The following C2orf92 variants were observed in gnomAD, a reference collection of about 807,000 sequenced individuals.
The protein encoded by C2orf92 is chromosome 2 open reading frame 92.
At chr2:97,669,865 T>C in intron 1 of C2orf92, 31 bp downstream of exon 1, 4 of 398,644 alleles carry the variant, frequency 1.0e-5, no homozygotes, top group Non-Finnish European at 8.8e-6. Flanking sequence ...GAGAGAAACA[T>C]GGGCCTCACT....
chr2:97,679,328 A>C (rs184563665), intron 3 of C2orf92, among the ~76,000 whole-genome samples: 1 of 152,340 alleles, frequency 6.6e-6, no homozygotes, highest in East Asian at 1.9e-4. Flanking sequence ...ACAGTGTATA[A>C]AGATAGACTC....
intron 5 of C2orf92, among the ~76,000 whole-genome samples, chr2:97,693,593 T>G (rs757778455): frequency 6.6e-6 from 1 of 152,242 alleles, no homozygotes; most frequent in Non-Finnish European, 1.5e-5. Context: ...AATAATGAAT[T>G]TCCTAATATC....
chr2:97,700,171 C>T (rs1056799724), intron 6 of C2orf92, among the ~76,000 whole-genome samples: 18 of 152,154 alleles, frequency 1.2e-4, no homozygotes, highest in African/African-American at 3.6e-4. Flanking sequence ...AAGACTGCCG[C>T]GTTTTCCCCA....
upstream of C2orf92, chr2:97,668,553 G>A (rs78396210): frequency 6.6e-5 from 10 of 152,390 alleles, no homozygotes; most frequent in African/African-American, 2.2e-4. Flanking sequence ...CCCTGCTGAC[G>A]TCTTGATCTC....
chr2:97,683,716 A>T (rs1675860085), intron 3 of C2orf92, among the ~76,000 whole-genome samples: 2 of 152,172 alleles, frequency 1.3e-5, no homozygotes, highest in African/African-American at 4.8e-5. Flanking sequence ...AAACAATTGG[A>T]GGAATTTCAC....
intron 5 of C2orf92, among the ~76,000 whole-genome samples, chr2:97,695,736 CTTTCTTTTCTTTTCT>C (rs372334285): frequency 1.3e-5 from 2 of 151,286 alleles, no homozygotes; most frequent in Non-Finnish European, 2.9e-5. Flanking sequence ...CTTTTATTTT[CTTTCTTTTCTTTTCT>C]TTTCTTTTCT....
At chr2:97,690,792 T>G (rs532364694) in intron 5 of C2orf92, among the ~76,000 whole-genome samples, 2 of 150,180 alleles carry the variant, frequency 1.3e-5, no homozygotes, top group East Asian at 2.0e-4. Flanking sequence ...TTTTGTTTTT[T>G]TTTTTGAGAC....
chr2:97,700,608 C>A (rs1020876348), intron 6 of C2orf92, among the ~76,000 whole-genome samples: 1 of 152,182 alleles, frequency 6.6e-6, no homozygotes, highest in South Asian at 2.1e-4. Flanking sequence ...ATCTCCACCC[C>A]CCAAAATCAT....
chr2:97,666,702 G>T (rs992290325), upstream of C2orf92, among the ~76,000 whole-genome samples: 2 of 151,760 alleles, frequency 1.3e-5, no homozygotes, highest in African/African-American at 4.8e-5. Context: ...AATTAGCCGG[G>T]CATGATGTTG....
upstream of C2orf92, among the ~76,000 whole-genome samples, chr2:97,667,261 CTTTTTTATT>C (rs1406875474): frequency 9.4e-6 from 1 of 106,496 alleles, no homozygotes; most frequent in African/African-American, 3.9e-5. Flanking sequence ...CTTCAGGTCT[CTTTTTTATT>C]TTTTTTTTTT....
chr2:97,691,911 G>A (rs1407375051), intron 5 of C2orf92, among the ~76,000 whole-genome samples: 1 of 152,114 alleles, frequency 6.6e-6, no homozygotes, highest in Non-Finnish European at 1.5e-5. Context: ...ATGAGCCACC[G>A]CGCCTGAAAA....
At chr2:97,669,910 C>A (rs990856366) in intron 1 of C2orf92, 76 bp downstream of exon 1, 3 of 398,468 alleles carry the variant, frequency 7.5e-6, no homozygotes, top group Non-Finnish European at 1.3e-5. Flanking sequence ...GGCGTTCCCT[C>A]CCACAGTGTG....
intron 5 of C2orf92, among the ~76,000 whole-genome samples, chr2:97,698,492 G>A (rs544517186): frequency 3.9e-5 from 6 of 152,200 alleles, no homozygotes; most frequent in East Asian, 1.9e-4. Flanking sequence ...TCTTGTCCTC[G>A]CAACTCAAGA....
chr2:97,675,802 C>G, intron 2 of C2orf92, 43 bp from the exon 3 acceptor site: 1 of 399,034 alleles, frequency 2.5e-6, no homozygotes. Context: ...AGCTGCAGAC[C>G]CAATGAAAGA....
chr2:97,665,755 A>C (rs1238727060), upstream of C2orf92: 13 of 126,084 alleles, frequency 1.0e-4, no homozygotes, highest in African/African-American at 3.5e-4. Flanking sequence ...ATATATATAT[A>C]TATATATATA....
chr2:97,675,546 T>C (rs958055923), intron 2 of C2orf92: 2 of 296,664 alleles, frequency 6.7e-6, no homozygotes, highest in African/African-American at 4.3e-5. Flanking sequence ...ATACACCATG[T>C]AGGCCTTTCT....
At chr2:97,691,843 G>A (rs1431936422) in intron 5 of C2orf92, among the ~76,000 whole-genome samples, 3 of 152,114 alleles carry the variant, frequency 2.0e-5, no homozygotes, top group African/African-American at 7.2e-5. Context: ...AGCTGAGATC[G>A]CGCCACTGCA....
intron 3 of C2orf92, among the ~76,000 whole-genome samples, chr2:97,683,097 C>CAT (rs1429288792): frequency 1.3e-5 from 2 of 151,732 alleles, no homozygotes; most frequent in South Asian, 2.1e-4. Context: ...CACACACACA[C>CAT]ACACACACAC....
intron 5 of C2orf92, among the ~76,000 whole-genome samples, chr2:97,692,106 G>A (rs115592809): frequency 3.8e-4 from 58 of 152,274 alleles, no homozygotes; most frequent in African/African-American, 1.4e-3. Flanking sequence ...AATATTCACT[G>A]TGGGAAAACA....
Sources: allele counts gnomAD v4.1 joint callset (sites outside exome capture counted in the v4.1 genomes callset), GRCh38; gene constraint gnomAD v4.1.1; transcripts MANE v1.5; gene names NCBI Gene and HGNC (gene_info 2026-07-23, HGNC 2026-07-21).